SOX6: variants seen among roughly 807,000 people sequenced by gnomAD.
The protein encoded by SOX6 is SRY-box transcription factor 6, also known as transcription factor SOX-6.
In SOX6, 11 loss-of-function variants were observed where a neutral mutation model predicts 97.8. That is an observed-to-expected ratio of 0.11 (90% CI 0.07 to 0.19). The LOEUF is 0.19. Among genes scored for constraint, SOX6 ranks in the 10% least tolerant of loss-of-function variants. The pLI is 1.00. For missense variants in SOX6, 810 were observed against 1,039.5 expected (o/e 0.78, Z 3.04); for synonymous variants, 360 against 371.4 (o/e 0.97, Z 0.35).
chr11:16,323,046 TCTTTTCTTTC>T (rs1855973153), intron 2 of SOX6, among the ~76,000 whole-genome samples: 1 of 152,128 alleles, frequency 6.6e-6, no homozygotes, highest in South Asian at 2.1e-4. Flanking sequence ...ACTATAAATT[TCTTTTCTTTC>T]AACCCCTAAC....
Position 16,291,108 on chromosome 11 carries a change from T to C in SOX6, c.445+27338A>G, listed in dbSNP as rs1419721699. On this transcript the variant is annotated intron_variant, in intron 3 of 15. Transcript: ENST00000683767. ...TATGAATATTTCTATAAATAGAATG[T>C]TCATATTTAGTAAATGGGGTTCACT... is the stretch of plus-strand genomic sequence containing the variant. Among the ~76,000 whole-genome samples, 6 of 152,002 alleles carry C rather than the reference T, an allele frequency of 3.9e-5. No individual in the cohort carries two copies. The East Asian group carries it at 1.2e-3, about 29-fold the overall frequency.
intron 4 of SOX6, among the ~76,000 whole-genome samples, chr11:16,488,291 A>T (rs1860466374): frequency 6.6e-6 from 1 of 152,186 alleles, no homozygotes; most frequent in Non-Finnish European, 1.5e-5. Flanking sequence ...AAGACAAATA[A>T]TTACAGCTTT....
At chr11:16,081,898 C>A (rs530035425) in intron 9 of SOX6, among the ~76,000 whole-genome samples, 2 of 152,174 alleles carry the variant, frequency 1.3e-5, no homozygotes, top group African/African-American at 4.8e-5. Context: ...TTATCGTTTC[C>A]ACATTATCGG....
In SOX6 at chr11:16,551,978, G is replaced by GTAT. The variant is rs1399630757; in HGVS notation, n.609+60100_609+60102dup. ...ATGTCTTAGATTAACAATTCAAAGG[G>GTAT]TATTCTTGACCATTTTTAACAAAAT... On this transcript the variant is annotated intron_variant and non_coding_transcript_variant, in intron 4 of 5. Coordinates refer to the SOX6 transcript ENST00000524520. Among the ~76,000 whole-genome samples, 4 of 151,942 alleles carry GTAT rather than the reference G, an allele frequency of 2.6e-5. No individual in the cohort carries two copies. In the East Asian group the frequency reaches 5.8e-4, roughly 22 times the overall value.
At chr11:16,299,725 C>A (rs1240346760) in intron 3 of SOX6, among the ~76,000 whole-genome samples, 1 of 151,966 alleles carries the variant, frequency 6.6e-6, no homozygotes, top group Non-Finnish European at 1.5e-5. Context: ...TTTTTACAAT[C>A]CAGGTGTAAA....
At chr11:16,015,079 T>G (rs1227169911) in intron 12 of SOX6, 29 bp from the exon 13 acceptor site, 2 of 1,597,458 alleles carry the variant, frequency 1.3e-6, no homozygotes, top group East Asian at 2.2e-5. Context: ...AGAGGCTTAT[T>G]CTAGTTTCCA....
chr11:16,085,679 T>C (rs1478404182), intron 9 of SOX6, among the ~76,000 whole-genome samples: 1 of 152,176 alleles, frequency 6.6e-6, no homozygotes, highest in Non-Finnish European at 1.5e-5. Flanking sequence ...CAACATAGCA[T>C]TCTTATCCAA....
At chr11:16,372,645 G>C (rs529287874) in intron 1 of SOX6, among the ~76,000 whole-genome samples, 1 of 152,028 alleles carries the variant, frequency 6.6e-6, no homozygotes, top group Admixed American at 6.6e-5. Flanking sequence ...GTCACAAGAA[G>C]CTAGAACACT....
At chr11:16,359,362 T>G (rs977700391), upstream of SOX6, among the ~76,000 whole-genome samples, 1 of 152,186 alleles carries the variant, frequency 6.6e-6, no homozygotes, top group Non-Finnish European at 1.5e-5. Context: ...GACAACAGAT[T>G]GGAAAGGATT....
At chr11:16,633,135 C>T (rs1049697352) in intron 3 of SOX6, among the ~76,000 whole-genome samples, 13 of 152,170 alleles carry the variant, frequency 8.5e-5, no homozygotes, top group African/African-American at 3.1e-4. Context: ...CCTGGATATC[C>T]ACCTGGACAT....
intron 6 of SOX6, among the ~76,000 whole-genome samples, chr11:16,164,786 A>G (rs1241430426): frequency 6.6e-6 from 1 of 151,176 alleles, no homozygotes; most frequent in Non-Finnish European, 1.5e-5. Flanking sequence ...GCACCACTGC[A>G]CTCCAGCCTG....
chr11:16,169,528 A>C (rs569296257), intron 6 of SOX6, among the ~76,000 whole-genome samples: 1 of 151,740 alleles, frequency 6.6e-6, no homozygotes, highest in African/African-American at 2.4e-5. Context: ...ATGAGTGATG[A>C]AAGTAGAGAC....
intron 12 of SOX6, among the ~76,000 whole-genome samples, chr11:16,015,521 T>G (rs1854858459): frequency 6.6e-6 from 1 of 151,976 alleles, no homozygotes; most frequent in Admixed American, 6.6e-5. Flanking sequence ...AAACAAATAT[T>G]TCAAACCAGG....
At chr11:16,419,497 A>C (rs1858987124) in intron 1 of SOX6, among the ~76,000 whole-genome samples, 3 of 152,032 alleles carry the variant, frequency 2.0e-5, no homozygotes, top group Admixed American at 2.0e-4. Flanking sequence ...ATACAGTTCA[A>C]GGATTAGACC....
chr11:16,443,333 C>T (rs532566417), intron 1 of SOX6, among the ~76,000 whole-genome samples: 38 of 152,264 alleles, frequency 2.5e-4, no homozygotes, highest in Middle Eastern at 3.4e-3. Flanking sequence ...TTCACATTTA[C>T]ATCTCAAACA....
At chr11:16,701,273 C>T (rs892926309) in intron 3 of SOX6, among the ~76,000 whole-genome samples, 1 of 152,074 alleles carries the variant, frequency 6.6e-6, no homozygotes, top group Non-Finnish European at 1.5e-5. Flanking sequence ...TTGGTATGCC[C>T]ACAGATATAT....
chr11:16,644,077 G>C (rs921243684), intron 3 of SOX6, among the ~76,000 whole-genome samples: 1 of 151,976 alleles, frequency 6.6e-6, no homozygotes, highest in South Asian at 2.1e-4. Flanking sequence ...GTCTCATTCT[G>C]TCACCCAGGC....
intron 1 of SOX6, among the ~76,000 whole-genome samples, chr11:16,443,876 G>A (rs900369880): frequency 1.8e-4 from 27 of 152,016 alleles, no homozygotes; most frequent in South Asian, 1.2e-3. Flanking sequence ...AGCTTGGCGC[G>A]GTAGTGGGCA....
chr11:16,355,901 T>C (rs1456364622), intron 1 of SOX6, among the ~76,000 whole-genome samples, 193 bp downstream of exon 1: 1 of 152,100 alleles, frequency 6.6e-6, no homozygotes, highest in Non-Finnish European at 1.5e-5. Context: ...AAATAGTCTG[T>C]TGCAATTCCC....
Sources: allele counts gnomAD v4.1 joint callset (sites outside exome capture counted in the v4.1 genomes callset), GRCh38; gene constraint gnomAD v4.1.1; transcripts MANE v1.5; gene names NCBI Gene and HGNC (gene_info 2026-07-23, HGNC 2026-07-21).